The following CC2D2B variants were observed in gnomAD, a reference collection of about 807,000 sequenced individuals.
The protein encoded by CC2D2B is protein CC2D2B.
In CC2D2B, 128 loss-of-function variants were observed where a neutral mutation model predicts 161.2. That is an observed-to-expected ratio of 0.79 (90% CI 0.69 to 0.92). CC2D2B has a LOEUF of 0.92. CC2D2B is among the 40% of genes least tolerant of loss of function. The pLI is 0.00. For synonymous variants in CC2D2B, 391 were observed against 449.8 expected (o/e 0.87, Z 1.65); for missense variants, 1,173 against 1,375.1 (o/e 0.85, Z 2.32).
intron 22 of CC2D2B, among the ~76,000 whole-genome samples, 153 bp from the exon 23 acceptor site, chr10:95,995,115 AC>A (rs769252872): frequency 2.4e-4 from 37 of 152,364 alleles, no homozygotes; most frequent in Non-Finnish European, 4.0e-4. Context: ...TTTAGCTGTA[AC>A]CACACATGAT....
Position 96,019,267 on chromosome 10 carries a change from G to A in CC2D2B, c.3695G>A (p.Gly1232Asp). ...TATTTGCTTTGGAATCCATCAACTGGCCAATGTTATAAGCAGTTTGACCCG... is the reference window on the plus strand; with the variant it reads ...TATTTGCTTTGGAATCCATCAACTGACCAATGTTATAAGCAGTTTGACCCG... ...NEYLLWNPST[G>D]QCYKQFDPFC... Residue 1232 changes from glycine (G) to aspartate (D), a missense_variant, in exon 31 of 35, where the codon GGC (glycine) becomes GAC (aspartate). This residue lies in a region of CC2D2B where 598 missense variants were observed against 693.2 expected (regional missense o/e 0.86). Transcript: ENST00000646931. 6.2e-7 allele frequency: 1 copy of A among 1,612,774 alleles called. No individual in the cohort carries two copies. Among genetic ancestry groups the A allele is most frequent in the Non-Finnish European group, 8.5e-7 (1 of 1,179,240 alleles).
intron 9 of CC2D2B, among the ~76,000 whole-genome samples, chr10:95,948,031 C>T (rs899085060): frequency 8.5e-5 from 13 of 152,136 alleles, no homozygotes; most frequent in African/African-American, 3.1e-4. Flanking sequence ...CATAGTGTTT[C>T]TATAGGAAAT....
chr10:95,996,995 C>T (rs1320181272), intron 24 of CC2D2B, among the ~76,000 whole-genome samples: 1 of 152,132 alleles, frequency 6.6e-6, no homozygotes, highest in Non-Finnish European at 1.5e-5. Flanking sequence ...TTTTCCCTTC[C>T]ACCTTCCACT....
At chr10:95,939,016 A>G in intron 9 of CC2D2B, 91 bp downstream of exon 9, 1 of 569,420 alleles carries the variant, frequency 1.8e-6, no homozygotes, top group Non-Finnish European at 3.1e-6. Flanking sequence ...TTATCCTTTA[A>G]AGATACTAAG....
intron 25 of CC2D2B, among the ~76,000 whole-genome samples, chr10:96,006,267 C>T (rs899787594): frequency 6.6e-6 from 1 of 150,426 alleles, no homozygotes; most frequent in African/African-American, 2.4e-5. Context: ...ATAAATTTAT[C>T]TCGGTAAACA....
At chr10:95,967,011 G>C (rs556669357) in intron 14 of CC2D2B, among the ~76,000 whole-genome samples, 17 of 152,096 alleles carry the variant, frequency 1.1e-4, no homozygotes, top group Admixed American at 9.2e-4. Context: ...GGCACACTTG[G>C]TACCAGTCCA....
intron 33 of CC2D2B, among the ~76,000 whole-genome samples, chr10:96,025,193 ATAT>A (rs554976137): frequency 0.43 from 23,282 of 54,476 alleles, 4,192 homozygotes; most frequent in Non-Finnish European, 0.49. Flanking sequence ...ATAAAAAAAA[ATAT>A]ATATATATAT....
intron 2 of CC2D2B, among the ~76,000 whole-genome samples, chr10:95,912,038 A>G (rs752770215): frequency 2.6e-5 from 4 of 152,124 alleles, no homozygotes; most frequent in Non-Finnish European, 5.9e-5. Flanking sequence ...GTTTTTTCGG[A>G]AAGTTTATAG....
chr10:95,965,953 G>A lies in CC2D2B; in HGVS notation c.1308G>A (p.Glu436=). The change falls in exon 13 of 35, where the codon GAG becomes GAA. Residue 436 remains glutamate (E), a synonymous_variant. Coordinates refer to ENST00000646931, the MANE Select transcript of CC2D2B (RefSeq NM_001349008.3). The part of the protein sequence containing the change: ...QEQISEMSET[E]KKNEGKELKN... ...AAATCTCAGAAATGTCTGAAACTGA[G>A]AAGAAAAATGAAGGAAAAGAACTTA... 1.6e-6 allele frequency: 2 copies of A among 1,219,532 alleles called. No homozygotes were observed. The highest frequency in any genetic ancestry group is 3.2e-5 in the East Asian group (1 of 31,500). 75.5% of individuals were successfully genotyped at this position (1,219,532 alleles called of 1,614,324 possible).
At chr10:95,992,772 T>C in intron 22 of CC2D2B, 75 bp downstream of exon 22, 1 of 965,590 alleles carries the variant, frequency 1.0e-6, no homozygotes, top group South Asian at 5.4e-5. Flanking sequence ...TGCTGTTCTA[T>C]TTGTAAACCT....
chr10:96,007,016 A>G (rs572139985), intron 25 of CC2D2B, among the ~76,000 whole-genome samples: 11 of 152,268 alleles, frequency 7.2e-5, no homozygotes, highest in Admixed American at 5.9e-4. Flanking sequence ...CTAATTTTAC[A>G]TACTTTTTAT....
chr10:95,965,994 T>C lies in CC2D2B; in HGVS notation c.1349T>C (p.Leu450Pro). 8.8e-7 allele frequency: 1 copy of C among 1,133,696 alleles called. No homozygotes were observed. The highest frequency in any genetic ancestry group is 4.5e-5 in the South Asian group (1 of 22,246). 70.2% of individuals were successfully genotyped at this position (1,133,696 alleles called of 1,614,324 possible). Residue 450 changes from leucine (L) to proline (P), a missense_variant, in exon 13 of 35, where the codon CTG becomes CCG. Transcript: ENST00000646931. Reference protein sequence around the residue: ...EGKELKNGKKLESLSYLASDE... With the variant: ...EGKELKNGKKPESLSYLASDE... ...AAAGAACTTAAGAATGGGAAAAAAC[T>C]GGAGGTATTTATATTGCAAAATAAC...
At chr10:95,911,264 GAT>G (rs2098505988) in intron 1 of CC2D2B, 35 bp from the exon 2 acceptor site, 1 of 228,380 alleles carries the variant, frequency 4.4e-6, no homozygotes, top group South Asian at 1.6e-4. Context: ...GTTTTCTTAT[GAT>G]ATGTCATTCT....
At chr10:96,019,644 A>G (rs2079367584) in intron 31 of CC2D2B, 58 bp from the exon 32 acceptor site, 3 of 1,499,944 alleles carry the variant, frequency 2.0e-6, no homozygotes, top group African/African-American at 2.9e-5. Context: ...CTTCCTTACC[A>G]ACAATGGGCC....
chr10:95,990,553 C>G (rs2077912007), intron 20 of CC2D2B, among the ~76,000 whole-genome samples: 1 of 152,084 alleles, frequency 6.6e-6, no homozygotes, highest in Admixed American at 6.5e-5. Flanking sequence ...TGTTCACCTT[C>G]AAGGGAAACA....
At chr10:96,012,489 A>T in intron 27 of CC2D2B, 43 bp from the exon 28 acceptor site, 1 of 1,378,056 alleles carries the variant, frequency 7.3e-7, no homozygotes, top group East Asian at 2.3e-5. Context: ...TTCTTGTGAG[A>T]ACAATACAGT....
At chr10:95,927,525 T>G (rs2098541473) in intron 6 of CC2D2B, among the ~76,000 whole-genome samples, 193 bp downstream of exon 6, 1 of 152,150 alleles carries the variant, frequency 6.6e-6, no homozygotes, top group African/African-American at 2.4e-5. Flanking sequence ...GCCCAGTGAT[T>G]ACTAAGTTTT....
chr10:95,985,185 G>T (rs762601618), intron 19 of CC2D2B, among the ~76,000 whole-genome samples: 1 of 152,122 alleles, frequency 6.6e-6, no homozygotes, highest in Non-Finnish European at 1.5e-5. Flanking sequence ...ATTGTAAACT[G>T]CCAATTCTAC....
At chr10:96,007,640 A>C (rs536663177) in intron 25 of CC2D2B, among the ~76,000 whole-genome samples, 4 of 152,264 alleles carry the variant, frequency 2.6e-5, no homozygotes, top group Non-Finnish European at 4.4e-5. Flanking sequence ...TAAGTGCAAA[A>C]AGTTGGAAGG....
Sources: allele counts gnomAD v4.1 joint callset (sites outside exome capture counted in the v4.1 genomes callset), GRCh38; gene constraint gnomAD v4.1.1; regional missense constraint gnomAD v4.1.1; transcripts MANE v1.5; gene names NCBI Gene and HGNC (gene_info 2026-07-23, HGNC 2026-07-21).